RBM33: variants seen among roughly 807,000 people sequenced by gnomAD.
The protein encoded by RBM33 is RNA binding motif protein 33, also known as RNA-binding protein 33.
A neutral mutation model predicts 132.6 loss-of-function variants in RBM33; 28 were observed. The observed-to-expected ratio is 0.21, with a 90% CI of 0.16 to 0.29. The LOEUF is 0.29. Ranked by LOEUF, RBM33 falls within the 10% of genes least tolerant of loss-of-function variation. The pLI, the probability that RBM33 is intolerant of heterozygous loss-of-function variation, is 1.00. For synonymous variants in RBM33, 634 were observed against 593.0 expected (o/e 1.07, Z -1.01); for missense variants, 1,291 against 1,518.5 (o/e 0.85, Z 2.49).
At chr7:155,655,040 C>G (rs909798944) in intron 1 of RBM33, among the ~76,000 whole-genome samples, 3 of 152,094 alleles carry the variant, frequency 2.0e-5, no homozygotes, top group African/African-American at 7.2e-5. Context: ...AGCTATTACT[C>G]TAATAAATGA....
chr7:155,773,428 C>T (rs1178734085), intron 16 of RBM33, among the ~76,000 whole-genome samples: 5 of 151,898 alleles, frequency 3.3e-5, no homozygotes, highest in East Asian at 1.9e-4. Context: ...TTAGCTAGGG[C>T]GTGGTGATGG....
chr7:155,718,371 G>A lies in RBM33; in HGVS notation c.1202-14G>A, dbSNP rs1347592647. On this transcript the variant is annotated splice_polypyrimidine_tract_variant and intron_variant, in intron 8 of 17. Coordinates refer to ENST00000401878, the MANE Select transcript of RBM33 (RefSeq NM_053043.3). Reference sequence around the variant, plus strand: ...AGTAAAGTGTGTCTCTAACACAAGGGGTTTTTCTTGCAGTGCCCTTGCTAC... The same window carrying A: ...AGTAAAGTGTGTCTCTAACACAAGGAGTTTTTCTTGCAGTGCCCTTGCTAC... 2.5e-6 allele frequency: 4 copies of A among 1,613,036 alleles called. No homozygotes were observed. Among genetic ancestry groups the A allele is most frequent in the Admixed American group, 1.7e-5 (1 of 60,010 alleles).
intron 16 of RBM33, among the ~76,000 whole-genome samples, chr7:155,771,815 C>T (rs1435481796): frequency 6.6e-6 from 1 of 152,176 alleles, no homozygotes; most frequent in Non-Finnish European, 1.5e-5. Flanking sequence ...TCATGATTCA[C>T]TGCAACCTCC....
intron 14 of RBM33, among the ~76,000 whole-genome samples, chr7:155,750,288 A>G (rs1351504459): frequency 6.6e-6 from 1 of 152,260 alleles, no homozygotes; most frequent in Admixed American, 6.5e-5. Context: ...AATTTTGTTC[A>G]TAACCTATAC....
intron 8 of RBM33, among the ~76,000 whole-genome samples, chr7:155,715,160 C>T (rs925317881): frequency 2.6e-5 from 4 of 152,136 alleles, no homozygotes; most frequent in East Asian, 3.9e-4. Context: ...CTGCAGTAGC[C>T]GTTGAATGAA....
At chr7:155,692,208 T>G (rs1563146385) in intron 5 of RBM33, among the ~76,000 whole-genome samples, 1 of 152,012 alleles carries the variant, frequency 6.6e-6, no homozygotes, top group African/African-American at 2.4e-5. Context: ...CAGTAAAAAT[T>G]AAAAGAAAAT....
At chr7:155,648,012 C>T (rs780378938) in intron 1 of RBM33, among the ~76,000 whole-genome samples, 3 of 152,218 alleles carry the variant, frequency 2.0e-5, no homozygotes, top group African/African-American at 7.2e-5. Context: ...AGATTTACAA[C>T]AGCATTCTTG....
chr7:155,715,494 G>A (rs1800435011), intron 8 of RBM33, among the ~76,000 whole-genome samples: 1 of 152,160 alleles, frequency 6.6e-6, no homozygotes, highest in Admixed American at 6.5e-5. Flanking sequence ...CAACAGCCTG[G>A]CAAGTGTAGA....
intron 1 of RBM33, among the ~76,000 whole-genome samples, chr7:155,662,098 T>C (rs911370270): frequency 6.6e-6 from 1 of 150,954 alleles, no homozygotes; most frequent in African/African-American, 2.5e-5. Flanking sequence ...CCGAAGCTTC[T>C]GATGTTGCTC....
intron 16 of RBM33, among the ~76,000 whole-genome samples, chr7:155,771,032 A>G (rs2117081721): frequency 6.6e-6 from 1 of 152,290 alleles, no homozygotes; most frequent in East Asian, 1.9e-4. Context: ...TGAAAAGCCA[A>G]TCAGGGTGAG....
At chr7:155,651,892 A>C (rs1317607228) in intron 1 of RBM33, among the ~76,000 whole-genome samples, 1 of 152,200 alleles carries the variant, frequency 6.6e-6, no homozygotes, top group African/African-American at 2.4e-5. Flanking sequence ...TTTAGGGAGA[A>C]CCTCTCCTGG....
chr7:155,673,659 CACAT>C (rs1306061450), intron 3 of RBM33, among the ~76,000 whole-genome samples: 2 of 121,038 alleles, frequency 1.7e-5, no homozygotes, highest in Admixed American at 8.1e-5. Context: ...TATATATACA[CACAT>C]ATACATACAC....
intron 14 of RBM33, among the ~76,000 whole-genome samples, chr7:155,762,997 C>T (rs1802086510): frequency 6.6e-6 from 1 of 152,210 alleles, no homozygotes; most frequent in Admixed American, 6.5e-5. Context: ...CTGATAGGCA[C>T]CACCCTAAGA....
intron 15 of RBM33, 96 bp from the exon 16 acceptor site, chr7:155,766,371 A>T: frequency 7.4e-7 from 1 of 1,343,476 alleles, no homozygotes; most frequent in Non-Finnish European, 1.0e-6. Context: ...GGTATATTTT[A>T]ATGGATTCTA....
At chr7:155,732,661 G>A (rs977273993) in intron 9 of RBM33, among the ~76,000 whole-genome samples, 6 of 152,186 alleles carry the variant, frequency 3.9e-5, no homozygotes, top group African/African-American at 1.2e-4. Flanking sequence ...GTAAAAATTA[G>A]CAGCAAGTCC....
chr7:155,778,523 ATCCAG>A lies in RBM33; in HGVS notation c.*3486_*3490del, dbSNP rs1436389714. The A allele has an allele frequency of 5.9e-5, 9 of 152,270 alleles. No individual in the cohort carries two copies. The highest frequency in any genetic ancestry group is 1.7e-4 in the African/African-American group (7 of 41,494). 9.4% of individuals were successfully genotyped at this position (152,270 alleles called of 1,614,324 possible). ...ACACACTGGCTTATCAGGGGAGGTC[ATCCAG>A]TCCGGTCGGTGGAGTTGAGAGCCCT... is the stretch of plus-strand genomic sequence containing the variant. On this transcript the variant is annotated 3_prime_UTR_variant, in exon 18 of 18. Transcript: ENST00000401878. This position sits in a 1 kb window ranked among gnomAD's most constrained non-coding sequence, Gnocchi z 4.0.
At chr7:155,671,389 A>G (rs1302912838) in intron 2 of RBM33, among the ~76,000 whole-genome samples, 5 of 152,178 alleles carry the variant, frequency 3.3e-5, no homozygotes, top group African/African-American at 1.2e-4. Flanking sequence ...TTCATGTCCT[A>G]TCCTTGTTTT....
chr7:155,669,012 T>C (rs1798873738), intron 2 of RBM33, among the ~76,000 whole-genome samples: 1 of 152,240 alleles, frequency 6.6e-6, no homozygotes, highest in Non-Finnish European at 1.5e-5. Flanking sequence ...TATTATGAAT[T>C]GCAGTTGTTT....
At chr7:155,700,985 T>G (rs1448715831) in intron 6 of RBM33, 41 bp downstream of exon 6, 1 of 1,490,526 alleles carries the variant, frequency 6.7e-7, no homozygotes, top group African/African-American at 1.4e-5. Flanking sequence ...TTACTCTCAT[T>G]TCAACTTCCT....
Sources: allele counts gnomAD v4.1 joint callset (sites outside exome capture counted in the v4.1 genomes callset), GRCh38; gene constraint gnomAD v4.1.1; non-coding constraint Gnocchi (gnomAD v3.1); transcripts MANE v1.5; gene names NCBI Gene and HGNC (gene_info 2026-07-23, HGNC 2026-07-21).